The following MACROD2 variants were observed in gnomAD, a reference collection of about 807,000 sequenced individuals.
MACROD2 encodes ADP-ribose glycohydrolase MACROD2.
A neutral mutation model predicts 70.4 loss-of-function variants in MACROD2; 36 were observed. That is an observed-to-expected ratio of 0.51 (90% confidence interval 0.39 to 0.68). The LOEUF is 0.68. MACROD2 is among the 30% of genes least tolerant of loss of function. The pLI, the probability that MACROD2 is intolerant of heterozygous loss-of-function variation, is 0.00. For synonymous variants in MACROD2, 172 were observed against 178.8 expected, an observed-to-expected ratio of 0.96 and a Z score of 0.30; for missense variants, 496 against 538.4, an observed-to-expected ratio of 0.92 and a Z score of 0.78.
At chr20:14,102,300 CCTT>C (rs977296906) in intron 3 of MACROD2, among the ~76,000 whole-genome samples, 41 of 152,124 alleles carry the variant, frequency 2.7e-4, no homozygotes, top group African/African-American at 9.2e-4. Flanking sequence ...CCGCGGCTGG[CCTT>C]AATGAGTACT....
intron 4 of MACROD2, among the ~76,000 whole-genome samples, chr20:14,642,548 A>G (rs1985153785): frequency 6.6e-6 from 1 of 151,940 alleles, no homozygotes; most frequent in Non-Finnish European, 1.5e-5. Flanking sequence ...GAGATATGCA[A>G]CTCCTCCTTT....
intron 17 of MACROD2, among the ~76,000 whole-genome samples, 170 bp downstream of exon 17, chr20:16,044,809 C>G (rs2067358257): frequency 6.6e-6 from 1 of 152,100 alleles, no homozygotes; most frequent in Admixed American, 6.6e-5. Flanking sequence ...ACGATCACCC[C>G]TAGAAGCTTG....
At chr20:15,872,057 A>T (rs879380783) in intron 9 of MACROD2, among the ~76,000 whole-genome samples, 2 of 152,052 alleles carry the variant, frequency 1.3e-5, no homozygotes, top group Non-Finnish European at 2.9e-5. Context: ...AATCCTTTCC[A>T]CTCCGTAATG....
intron 5 of MACROD2, among the ~76,000 whole-genome samples, chr20:15,069,600 A>G (rs567650803): frequency 3.3e-5 from 5 of 152,330 alleles, no homozygotes; most frequent in East Asian, 1.9e-4. Context: ...CCCTGGATCC[A>G]CGCTAGCAGT....
At chr20:14,893,171 A>G (rs1317033263) in intron 5 of MACROD2, 4 of 152,134 alleles carry the variant, frequency 2.6e-5, no homozygotes, top group South Asian at 2.1e-4. Context: ...GTATGTATAT[A>G]CCACATATTG....
intron 8 of MACROD2, among the ~76,000 whole-genome samples, chr20:15,536,295 T>C (rs951518676): frequency 1.3e-5 from 2 of 152,206 alleles, no homozygotes; most frequent in African/African-American, 4.8e-5. Context: ...AAATTCTTTT[T>C]ATCACCTCCA....
intron 3 of MACROD2, among the ~76,000 whole-genome samples, chr20:14,336,311 A>G (rs1297446772): frequency 1.3e-5 from 2 of 151,968 alleles, no homozygotes; most frequent in African/African-American, 2.4e-5. Flanking sequence ...GAGATTTTGG[A>G]CTAAAAATTG....
In MACROD2 at chr20:14,901,406, G is replaced by T. The variant is rs190783366; in HGVS notation, c.418+216447G>T. Among the ~76,000 whole-genome samples the T allele has an allele frequency of 3.1e-4, 47 of 152,066 alleles. 1 individual carries two copies. The highest frequency in any genetic ancestry group is 2.6e-3 in the Admixed American group (40 of 15,280). ...CATCCTAGCTGTTTTCAAGAAAACA[G>T]AATTAACAAGAAACTTAAAAAATAA... On this transcript the variant is annotated intron_variant, in intron 5 of 17. Transcript: ENST00000684519.
intron 3 of MACROD2, among the ~76,000 whole-genome samples, chr20:14,392,850 C>A (rs1439834215): frequency 6.6e-6 from 1 of 151,978 alleles, no homozygotes; most frequent in Non-Finnish European, 1.5e-5. Context: ...CTGACTCTGC[C>A]CTGTGTATGA....
chr20:14,190,268 C>A (rs968674541), intron 3 of MACROD2, among the ~76,000 whole-genome samples: 1 of 152,098 alleles, frequency 6.6e-6, no homozygotes, highest in African/African-American at 2.4e-5. Context: ...CTTTTATTTA[C>A]CAATGAGAAG....
At chr20:14,325,445 T>TGTTCAACAGGTTTCCATCTA in intron 3 of MACROD2, 1 of 1,151,514 alleles carries the variant, frequency 8.7e-7, no homozygotes, top group Non-Finnish European at 1.2e-6. Context: ...TACAGTACAT[T>TGTTCAACAGGTTTCCATCTA]GCTTTTTTTC....
chr20:15,230,506 A>G (rs1419772764), intron 6 of MACROD2, among the ~76,000 whole-genome samples: 1 of 152,160 alleles, frequency 6.6e-6, no homozygotes, highest in African/African-American at 2.4e-5. Context: ...ATGCATTCTC[A>G]TGCTAGTGTC....
chr20:14,004,864 C>T (rs75951473), intron 2 of MACROD2, among the ~76,000 whole-genome samples: 1,666 of 152,080 alleles, frequency 0.011, 37 homozygotes, highest in East Asian at 0.075. Context: ...CAATATTTAT[C>T]GGGTTAGAAC....
chr20:15,377,339 AAAAAGAG>A (rs2045577484), intron 6 of MACROD2, among the ~76,000 whole-genome samples: 1 of 152,236 alleles, frequency 6.6e-6, no homozygotes, highest in African/African-American at 2.4e-5. Context: ...TGATAAAAAG[AAAAAGAG>A]AAAAGAGAAG....
intron 3 of MACROD2, among the ~76,000 whole-genome samples, chr20:14,319,939 C>G (rs1020114371): frequency 2.6e-5 from 4 of 152,128 alleles, no homozygotes; most frequent in Non-Finnish European, 5.9e-5. Context: ...GGTTTCCCTT[C>G]CTGATGCTGA....
intron 5 of MACROD2, among the ~76,000 whole-genome samples, chr20:14,915,609 C>T (rs2074081991): frequency 1.3e-5 from 2 of 152,134 alleles, no homozygotes; most frequent in African/African-American, 4.8e-5. Context: ...GTCCGAGGAG[C>T]GGCTGTGCCC....
At chr20:14,048,317 A>G (rs1021373364) in intron 2 of MACROD2, among the ~76,000 whole-genome samples, 2 of 152,340 alleles carry the variant, frequency 1.3e-5, no homozygotes, top group South Asian at 4.1e-4. Context: ...GGAAGCAATC[A>G]TGATGAATGA....
chr20:15,240,362 G>T (rs1311722422), intron 6 of MACROD2, among the ~76,000 whole-genome samples: 2 of 152,066 alleles, frequency 1.3e-5, no homozygotes, highest in Non-Finnish European at 2.9e-5. Context: ...TTCTATAGAA[G>T]AATTGAATAT....
intron 5 of MACROD2, among the ~76,000 whole-genome samples, chr20:15,022,138 A>G (rs551743239): frequency 1.3e-5 from 2 of 152,210 alleles, no homozygotes; most frequent in South Asian, 2.1e-4. Context: ...TATTTTATTT[A>G]TTAGTAAAGA....
Sources: allele counts gnomAD v4.1 joint callset (sites outside exome capture counted in the v4.1 genomes callset), GRCh38; gene constraint gnomAD v4.1.1; transcripts MANE v1.5; gene names NCBI Gene and HGNC (gene_info 2026-07-23, HGNC 2026-07-21).